Variants in SPAG17 observed in about 807,000 individuals in gnomAD.
SPAG17 encodes the protein sperm-associated antigen 17.
In SPAG17, 169 loss-of-function variants were observed where a neutral mutation model predicts 273.6. That is an observed-to-expected ratio of 0.62 (90% CI 0.55 to 0.70). The LOEUF (loss-of-function observed/expected upper bound fraction) is 0.70. Ranked by LOEUF, SPAG17 falls within the 30% of genes least tolerant of loss-of-function variation. The pLI is 0.00. For missense variants in SPAG17, 2,557 were observed against 2,627.8 expected (o/e 0.97, Z 0.59); for synonymous variants, 825 against 873.2 (o/e 0.94, Z 0.97).
chr1:118,042,065 T>C, intron 20 of SPAG17, 23 bp from the exon 21 acceptor site: 2 of 1,590,152 alleles, frequency 1.3e-6, no homozygotes, highest in Non-Finnish European at 1.7e-6. Flanking sequence ...TTAAGAAATT[T>C]AACAGGATTT....
At chr1:118,184,974 G>T (rs748922918) in intron 1 of SPAG17, 97 bp downstream of exon 1, 1 of 1,018,376 alleles carries the variant, frequency 9.8e-7, no homozygotes, top group Non-Finnish European at 1.5e-6. Context: ...GGAGAGATAC[G>T]GAAGAGAGGG....
At chr1:118,084,769 G>A (rs745617739) in intron 13 of SPAG17, among the ~76,000 whole-genome samples, 1 of 152,172 alleles carries the variant, frequency 6.6e-6, no homozygotes, top group Non-Finnish European at 1.5e-5. Context: ...GTAATGTAAG[G>A]AAATTGTGTT....
At chr1:118,076,322 A>G (rs912987716) in intron 15 of SPAG17, 1 of 152,186 alleles carries the variant, frequency 6.6e-6, no homozygotes, top group Non-Finnish European at 1.5e-5. Flanking sequence ...TTTCAGGAGC[A>G]CAGCTACTTA....
At chr1:118,011,753 C>T (rs1362545446) in intron 30 of SPAG17, among the ~76,000 whole-genome samples, 2 of 151,884 alleles carry the variant, frequency 1.3e-5, no homozygotes, top group African/African-American at 4.8e-5. Flanking sequence ...AACACACACA[C>T]ACACAGACAC....
chr1:117,995,716 AC>A (rs1657579136), intron 34 of SPAG17, among the ~76,000 whole-genome samples: 4 of 151,102 alleles, frequency 2.6e-5, no homozygotes, highest in African/African-American at 9.7e-5. Flanking sequence ...ACACACACAC[AC>A]ACACACACAC....
At chr1:118,046,370 A>G (rs1185168836) in intron 20 of SPAG17, among the ~76,000 whole-genome samples, 1 of 151,996 alleles carries the variant, frequency 6.6e-6, no homozygotes, top group Non-Finnish European at 1.5e-5. Flanking sequence ...TAAATAAATA[A>G]ATGAAACAAT....
intron 4 of SPAG17, among the ~76,000 whole-genome samples, chr1:118,111,012 A>G (rs951305473): frequency 6.6e-6 from 1 of 152,162 alleles, no homozygotes; most frequent in Non-Finnish European, 1.5e-5. Context: ...AATACTCTGT[A>G]CCTCATAAAG....
At position 118,143,924 on chromosome 1, in the gene SPAG17, C is replaced by T. The variant is rs556536684; in HGVS notation, c.315+6619G>A. 9.2e-5 allele frequency among the ~76,000 whole-genome samples: 14 copies of T among 152,288 alleles called. No homozygotes were observed. The East Asian group carries it at 2.7e-3, about 29-fold the overall frequency. Reference sequence around the variant, plus strand: ...CCTGCCTTGCCCACTGCCTGCAGGTCCTAGCCAGCAACCCAGTCCTTGTGT... The same window carrying T: ...CCTGCCTTGCCCACTGCCTGCAGGTTCTAGCCAGCAACCCAGTCCTTGTGT... On this transcript the variant is annotated intron_variant, in intron 3 of 48. Transcript: ENST00000336338.
chr1:118,148,083 A>G (rs985107101), intron 3 of SPAG17, among the ~76,000 whole-genome samples: 1 of 152,194 alleles, frequency 6.6e-6, no homozygotes, highest in Non-Finnish European at 1.5e-5. Context: ...GGTTTCTAAA[A>G]AGTTACCATG....
intron 30 of SPAG17, among the ~76,000 whole-genome samples, chr1:118,011,807 G>A (rs1382973676): frequency 6.6e-6 from 1 of 151,976 alleles, no homozygotes; most frequent in Non-Finnish European, 1.5e-5. Context: ...ACTTTTGGCT[G>A]CTGGGTGCTG....
intron 31 of SPAG17, among the ~76,000 whole-genome samples, chr1:118,007,010 C>T (rs1445660471): frequency 6.6e-6 from 1 of 151,382 alleles, no homozygotes; most frequent in African/African-American, 2.4e-5. Flanking sequence ...TACATGAGAC[C>T]ATTATCAGTT....
In SPAG17 at chr1:118,150,616, T is replaced by C; in HGVS notation, c.242A>G (p.Asn81Ser). 6.5e-7 allele frequency: 1 copy of C among 1,538,046 alleles called. No homozygotes were observed. Among genetic ancestry groups the C allele is most frequent in the Non-Finnish European group, 8.9e-7 (1 of 1,122,288 alleles). The part of the protein sequence containing the change: ...QDILQQINEI[N>S]TLVGSASSKK... ...AGATGAAGCAGATCCAACAAGTGTA[T>C]TTATTTCATTAATCTGTAAGAAAAT... Residue 81 changes from asparagine to serine, a missense_variant, in exon 3 of 49, where the codon AAT (asparagine) becomes AGT (serine). Physicochemically the swap from Asn to Ser is conservative, Grantham distance 46. Transcript: ENST00000336338.
Position 118,073,935 on chromosome 1 carries a change from T to A in SPAG17, c.2304A>T (p.Leu768Phe). The A allele has an allele frequency of 6.4e-7, 1 of 1,567,936 alleles. No individual in the cohort carries two copies. The highest frequency in any genetic ancestry group is 8.6e-7 in the Non-Finnish European group (1 of 1,164,942). Residue 768 changes from leucine to phenylalanine, a missense_variant, in exon 17 of 49, where the codon TTA (leucine) becomes TTT (phenylalanine). Coordinates refer to ENST00000336338, the MANE Select transcript of SPAG17 (RefSeq NM_206996.4). ...GCTGCTGTGTTTTCTTTATGTCCTC[T>A]AAATCTGCTTCCACCATCATCTTCT... ...KPKKMMVEAD[L>F]EDIKKTQQRS...
At chr1:118,128,870 G>T (rs888155618) in intron 3 of SPAG17, among the ~76,000 whole-genome samples, 1 of 152,100 alleles carries the variant, frequency 6.6e-6, no homozygotes, top group Non-Finnish European at 1.5e-5. Flanking sequence ...TGTGACTCAG[G>T]GGAAACACAG....
intron 20 of SPAG17, among the ~76,000 whole-genome samples, chr1:118,043,184 T>C (rs1047635333): frequency 1.3e-5 from 2 of 152,298 alleles, no homozygotes; most frequent in Non-Finnish European, 2.9e-5. Flanking sequence ...AAAGTGAGTT[T>C]GAAAGACTTC....
At chr1:118,131,205 G>A (rs1300395547) in intron 3 of SPAG17, among the ~76,000 whole-genome samples, 1 of 152,154 alleles carries the variant, frequency 6.6e-6, no homozygotes, top group Non-Finnish European at 1.5e-5. Context: ...TACATGGACT[G>A]GCCACATCTC....
chr1:118,047,380 C>T (rs1006725214), intron 20 of SPAG17, among the ~76,000 whole-genome samples: 3 of 152,186 alleles, frequency 2.0e-5, no homozygotes, highest in Non-Finnish European at 2.9e-5. Context: ...GAAGACCAGG[C>T]TGGTATCTGC....
chr1:118,038,530 C>T (rs756641750), intron 23 of SPAG17, among the ~76,000 whole-genome samples: 2 of 152,122 alleles, frequency 1.3e-5, no homozygotes, highest in Non-Finnish European at 2.9e-5. Context: ...AGATGTCCTT[C>T]AGTAGGTGGG....
At chr1:118,074,296 G>A (rs991090064) in intron 16 of SPAG17, among the ~76,000 whole-genome samples, 23 of 152,136 alleles carry the variant, frequency 1.5e-4, no homozygotes, top group Non-Finnish European at 1.2e-4. Flanking sequence ...TTGTGAGGTT[G>A]CCAAGCCACA....
Sources: gnomAD v4.1 joint callset for allele counts (sites outside exome capture counted in the v4.1 genomes callset) on GRCh38, gnomAD v4.1.1 for gene constraint, MANE v1.5 for transcripts, NCBI Gene and HGNC (gene_info 2026-07-23, HGNC 2026-07-21) for gene names.